PPARGC1B: variants seen among roughly 807,000 people sequenced by gnomAD.
PPARGC1B encodes peroxisome proliferator-activated receptor gamma coactivator 1-beta.
A neutral mutation model predicts 101.6 loss-of-function variants in PPARGC1B; 34 were observed. That is an observed-to-expected ratio of 0.33 (90% CI 0.25 to 0.45). The LOEUF is 0.45. Among genes scored for constraint, PPARGC1B ranks in the 20% least tolerant of loss-of-function variants. PPARGC1B has a pLI of 1.00. For synonymous variants in PPARGC1B, 548 were observed against 539.3 expected, an observed-to-expected ratio of 1.02 and a Z score of -0.22; for missense variants, 1,234 against 1,317.6, an observed-to-expected ratio of 0.94 and a Z score of 0.98.
chr5:149,772,278 A>G, intron 1 of PPARGC1B: 1 of 1,503,414 alleles, frequency 6.7e-7, no homozygotes. Context: ...ATGGTGGGTT[A>G]GGGTACGGTA....
At chr5:149,757,901 A>G (rs565730621) in intron 1 of PPARGC1B, among the ~76,000 whole-genome samples, 1 of 152,330 alleles carries the variant, frequency 6.6e-6, no homozygotes, top group East Asian at 1.9e-4. Context: ...CATGGACCCC[A>G]TTCCCCTGGG....
chr5:149,846,086 T>C, intron 11 of PPARGC1B, 172 bp downstream of exon 11: 1 of 722,556 alleles, frequency 1.4e-6, no homozygotes, highest in Admixed American at 2.4e-5. Context: ...ACTACCATCC[T>C]GTTTCTCTTC....
intron 1 of PPARGC1B, among the ~76,000 whole-genome samples, chr5:149,748,581 C>T (rs1265302226): frequency 2.0e-5 from 3 of 152,098 alleles, no homozygotes; most frequent in Non-Finnish European, 2.9e-5. Context: ...GGAAGGTGCC[C>T]AGGGCAGAGT....
chr5:149,768,213 T>C (rs1417225584), intron 1 of PPARGC1B, among the ~76,000 whole-genome samples: 2 of 152,198 alleles, frequency 1.3e-5, no homozygotes, highest in Non-Finnish European at 2.9e-5. Context: ...TATGGAGATT[T>C]GAAGTTGTCA....
At chr5:149,835,975 T>G (rs1397283899) in intron 7 of PPARGC1B, among the ~76,000 whole-genome samples, 3 of 147,230 alleles carry the variant, frequency 2.0e-5, no homozygotes, top group African/African-American at 7.8e-5. Flanking sequence ...TTTTTTTTTT[T>G]GAGACATAGT....
At chr5:149,804,099 G>A (rs541312291) in intron 1 of PPARGC1B, among the ~76,000 whole-genome samples, 86 of 152,354 alleles carry the variant, frequency 5.6e-4, no homozygotes, top group Non-Finnish European at 1.0e-3. Context: ...AAATGGATGC[G>A]GAAGGAAACC....
At chr5:149,773,505 C>G (rs1381359257) in intron 1 of PPARGC1B, among the ~76,000 whole-genome samples, 2 of 152,230 alleles carry the variant, frequency 1.3e-5, no homozygotes, top group Non-Finnish European at 2.9e-5. Context: ...CTCAGCCTGG[C>G]CCCTGCCTGG....
chr5:149,766,817 CAGTT>C (rs1223511901), intron 1 of PPARGC1B, among the ~76,000 whole-genome samples: 18 of 152,352 alleles, frequency 1.2e-4, no homozygotes, highest in Admixed American at 1.1e-3. Context: ...CCCACAAAGG[CAGTT>C]AGGTGGCCTC....
In PPARGC1B at chr5:149,853,245, G is replaced by A. The variant is rs745911667; in HGVS notation, c.*5687G>A. The stretch of plus-strand genomic sequence containing the variant: ...TCTCCACCAGCTACCCAGATGGAAG[G>A]CAAATAAATCCTTTCGGCCACCCTG... On this transcript the variant is annotated 3_prime_UTR_variant, in exon 12 of 12. Coordinates refer to ENST00000309241, the MANE Select transcript of PPARGC1B (RefSeq NM_133263.4). This position sits in a 1 kb window ranked among gnomAD's most constrained non-coding sequence, Gnocchi z 4.2. 1 of 152,182 alleles carries A rather than the reference G, an allele frequency of 6.6e-6. No homozygotes were observed. Among genetic ancestry groups the A allele is most frequent in the African/African-American group, 2.4e-5 (1 of 41,444 alleles). 9.4% of individuals were successfully genotyped at this position (152,182 alleles called of 1,614,324 possible).
At chr5:149,791,189 C>T (rs922288574) in intron 1 of PPARGC1B, among the ~76,000 whole-genome samples, 5 of 117,304 alleles carry the variant, frequency 4.3e-5, no homozygotes, top group East Asian at 4.7e-4. Flanking sequence ...GGCTGAGACA[C>T]GAGAATTGTC....
chr5:149,736,609 A>G (rs568090293), intron 1 of PPARGC1B, among the ~76,000 whole-genome samples: 2 of 152,276 alleles, frequency 1.3e-5, no homozygotes, highest in East Asian at 1.9e-4. Context: ...AGATTCCTGC[A>G]GTTACTACCA....
At chr5:149,799,690 G>GTTTTTTTTTTTTTTTTT (rs369350284) in intron 1 of PPARGC1B, among the ~76,000 whole-genome samples, 26 of 65,046 alleles carry the variant, frequency 4.0e-4, no homozygotes, top group Non-Finnish European at 4.9e-4. Context: ...TTTGCTTGTT[G>GTTTTTTTTTTTTTTTTT]TTGTTTTTTT....
At chr5:149,831,899 A>T (rs1471721014) in intron 4 of PPARGC1B, among the ~76,000 whole-genome samples, 1 of 152,154 alleles carries the variant, frequency 6.6e-6, no homozygotes, top group Non-Finnish European at 1.5e-5. Flanking sequence ...TTGTTTTTTT[A>T]AACTTTATTG....
intron 1 of PPARGC1B, among the ~76,000 whole-genome samples, chr5:149,818,086 T>C (rs962273191): frequency 1.3e-5 from 2 of 152,164 alleles, no homozygotes; most frequent in African/African-American, 4.8e-5. Flanking sequence ...GGGCAGCCAC[T>C]GAGTGCTGGT....
chr5:149,841,471 A>C (rs1197113149), intron 9 of PPARGC1B, among the ~76,000 whole-genome samples: 1 of 152,186 alleles, frequency 6.6e-6, no homozygotes, highest in Admixed American at 6.5e-5. Flanking sequence ...TGGCATGTGT[A>C]GTCCGTGGGT....
At chr5:149,761,340 G>A (rs766531940) in intron 1 of PPARGC1B, 3 of 152,000 alleles carry the variant, frequency 2.0e-5, no homozygotes, top group Non-Finnish European at 4.4e-5. Context: ...TAGTCACATC[G>A]CTGTAGTGTA....
In PPARGC1B at chr5:149,851,720, C is replaced by T. The variant is rs1415043718; in HGVS notation, c.*4162C>T. 1 of 152,198 alleles carries T rather than the reference C, an allele frequency of 6.6e-6. No homozygotes were observed. Among genetic ancestry groups the T allele is most frequent in the Non-Finnish European group, 1.5e-5 (1 of 68,078 alleles). 9.4% of individuals were successfully genotyped at this position (152,198 alleles called of 1,614,324 possible). A position where few individuals can be genotyped will look rare whatever the true frequency, so the allele number is the denominator to read the frequency against. On this transcript the variant is annotated 3_prime_UTR_variant, in exon 12 of 12. Transcript: ENST00000309241. ...AGGGGTTTTTACACACAGATGGGCT[C>T]CAGGTCTGCTCGTCAAGTTTGGAGG...
chr5:149,815,459 C>T (rs1758016559), intron 1 of PPARGC1B, among the ~76,000 whole-genome samples: 1 of 152,204 alleles, frequency 6.6e-6, no homozygotes, highest in Admixed American at 6.5e-5. Flanking sequence ...ACCATTCCTG[C>T]AGACACCCTA....
At position 149,843,957 on chromosome 5, in the gene PPARGC1B, C is replaced by G. The variant is rs187081354; in HGVS notation, c.2816+1580C>G. On this transcript the variant is annotated intron_variant, in intron 10 of 11. Transcript: ENST00000309241. ...TCTAAAGTAGTCTATTTCGTCGAAA[C>G]AGAAAGAGTGATGGTTGCCAGGGGC... is the stretch of plus-strand genomic sequence containing the variant. Among the ~76,000 whole-genome samples the G allele has an allele frequency of 2.0e-5, 3 of 152,244 alleles. No individual in the cohort carries two copies. In the East Asian group the frequency reaches 5.8e-4, roughly 29 times the overall value.
Sources: gnomAD v4.1 joint callset for allele counts (sites outside exome capture counted in the v4.1 genomes callset) on GRCh38, gnomAD v4.1.1 for gene constraint, Gnocchi (gnomAD v3.1) non-coding constraint, MANE v1.5 for transcripts, NCBI Gene and HGNC (gene_info 2026-07-23, HGNC 2026-07-21) for gene names.